The following TARBP1 variants were observed in gnomAD, a reference collection of about 807,000 sequenced individuals.
TARBP1 encodes the protein tRNA guanosine 2 -O-methyltransferase TARBP1, also known as tRNA (guanosine(18)-2'-O)-methyltransferase TARBP1.
TARBP1 carries 144 observed loss-of-function variants against 178.6 expected under a neutral mutation model. That is an observed-to-expected ratio of 0.81 (90% CI 0.70 to 0.93). TARBP1 has a LOEUF of 0.93. TARBP1 is among the 40% of genes least tolerant of loss of function. The probability of loss-of-function intolerance (pLI) is 0.00; values close to 1 mark genes in which losing one functional copy is unlikely to be tolerated. For synonymous variants in TARBP1, 787 were observed against 781.0 expected (o/e 1.01, Z -0.13); for missense variants, 2,067 against 2,011.7 (o/e 1.03, Z -0.53).
chr1:234,460,278 A>G lies in TARBP1; in HGVS notation c.1518T>C (p.Asp506=), dbSNP rs1460322006. The G allele has an allele frequency of 2.5e-6, 4 of 1,614,102 alleles. No individual in the cohort carries two copies. The highest frequency in any genetic ancestry group is 3.4e-6 in the Non-Finnish European group (4 of 1,180,018). The change falls in exon 7 of 30, where the codon GAT becomes GAC. Residue 506 remains aspartate (D), a synonymous_variant. Coordinates refer to ENST00000040877, the MANE Select transcript of TARBP1 (RefSeq NM_005646.4). ...NVPRHKALGI[D]GLLALRDVIH... is the part of the protein sequence containing the mutation. Reference sequence around the variant, plus strand: ...TAAATTACCTGAGAGCAAGAAGCCCATCTATACCCAGGGCCTTATGTCTTG... The same window carrying G: ...TAAATTACCTGAGAGCAAGAAGCCCGTCTATACCCAGGGCCTTATGTCTTG...
rs1290984616 is a variant in TARBP1, at chr1:234,392,455, G to A, written c.4658C>T (p.Thr1553Ile). The part of the protein sequence containing the change: ...VEQTAKSLDL[T>I]QYCFPEKSLL... Reference sequence around the variant, plus strand: ...AGATTTCTCAGGAAAGCAATATTGGGTTAGGTCTAAACTTTTGGCAGTTTG... The same window carrying A: ...AGATTTCTCAGGAAAGCAATATTGGATTAGGTCTAAACTTTTGGCAGTTTG... Residue 1553 changes from threonine to isoleucine, a missense_variant, in exon 29 of 30, where the codon ACC becomes ATC. Thr to Ile is a moderately conservative substitution (Grantham distance 89). Transcript: ENST00000040877. 2 of 1,614,066 alleles carry A rather than the reference G, an allele frequency of 1.2e-6. No homozygotes were observed. Among genetic ancestry groups the A allele is most frequent in the African/African-American group, 1.3e-5 (1 of 74,928 alleles).
Position 234,467,521 on chromosome 1 carries a change from A to T in TARBP1, c.1229T>A (p.Phe410Tyr). The T allele has an allele frequency of 6.3e-7, 1 of 1,591,692 alleles. No individual in the cohort carries two copies. Among genetic ancestry groups the T allele is most frequent in the Non-Finnish European group, 8.5e-7 (1 of 1,172,838 alleles). The change falls in exon 4 of 30, where the codon TTT becomes TAT. Residue 410 changes from phenylalanine (F) to tyrosine (Y), a missense_variant. By Grantham distance (22) the Phe-to-Tyr change is conservative. Transcript: ENST00000040877. ...LELYETKILP[F>Y]SPEFSEFIIG... Reference sequence around the variant, plus strand: ...CATTACCTCAGAAAATTCTGGTGAAAATGGAAGAATCTTTGTTTCATACAG... The same window carrying T: ...CATTACCTCAGAAAATTCTGGTGAATATGGAAGAATCTTTGTTTCATACAG...
chr1:234,475,160 G>T (rs1312885749), intron 1 of TARBP1, among the ~76,000 whole-genome samples: 6 of 152,212 alleles, frequency 3.9e-5, no homozygotes, highest in Non-Finnish European at 7.3e-5. Flanking sequence ...GCCAGGGCAG[G>T]AGATCTTCAG....
At chr1:234,469,497 G>T (rs1048715598) in intron 3 of TARBP1, among the ~76,000 whole-genome samples, 3 of 152,164 alleles carry the variant, frequency 2.0e-5, no homozygotes, top group African/African-American at 4.8e-5. Flanking sequence ...CTAGCCCCAG[G>T]TGCAACTACA....
At chr1:234,410,280 T>G in intron 23 of TARBP1, 165 bp downstream of exon 23, 2 of 492,328 alleles carry the variant, frequency 4.1e-6, no homozygotes, top group Non-Finnish European at 7.4e-6. Context: ...GTAATTCCCA[T>G]TTACTGGGTA....
At chr1:234,466,848 C>T (rs1668489361) in intron 4 of TARBP1, among the ~76,000 whole-genome samples, 1 of 151,122 alleles carries the variant, frequency 6.6e-6, no homozygotes, top group East Asian at 1.9e-4. Flanking sequence ...GGGTGACAGG[C>T]ATGAGACACC....
chr1:234,465,950 G>C lies in TARBP1; in HGVS notation c.1249-242C>G, dbSNP rs183327683. 5.9e-5 allele frequency among the ~76,000 whole-genome samples: 9 copies of C among 152,204 alleles called. No individual in the cohort carries two copies. In the East Asian group the frequency reaches 1.5e-3, roughly 26 times the overall value. Reference sequence around the variant, plus strand: ...ATTAAAATTTATGCCATACTAAAAAGAGAGTTCATGTGTTGGGTCAAGAAA... The same window carrying C: ...ATTAAAATTTATGCCATACTAAAAACAGAGTTCATGTGTTGGGTCAAGAAA... On this transcript the variant is annotated intron_variant, in intron 4 of 29. Coordinates refer to ENST00000040877, the MANE Select transcript of TARBP1 (RefSeq NM_005646.4).
At chr1:234,454,840 A>T (rs1667124720) in intron 9 of TARBP1, among the ~76,000 whole-genome samples, 1 of 152,204 alleles carries the variant, frequency 6.6e-6, no homozygotes, top group South Asian at 2.1e-4. Context: ...TTATGCAGCA[A>T]AAGGAGCTTT....
Position 234,429,605 on chromosome 1 carries a change from C to T in TARBP1, c.2682G>A (p.Val894=). The change falls in exon 16 of 30, where the codon GTG becomes GTA. Residue 894 remains valine, a synonymous_variant. Coordinates refer to ENST00000040877, the MANE Select transcript of TARBP1 (RefSeq NM_005646.4). The part of the protein sequence containing the change: ...IVAQYIHDQW[V]CLSFLLKKYH... ...ATTTTTTCAACAGGAAAGAGAGGCA[C>T]ACCCATTGATCATGAATATATTGTG... The T allele has an allele frequency of 6.2e-7, 1 of 1,614,124 alleles. No homozygotes were observed. The highest frequency in any genetic ancestry group is 8.5e-7 in the Non-Finnish European group (1 of 1,180,002).
intron 13 of TARBP1, among the ~76,000 whole-genome samples, chr1:234,436,644 C>T (rs1665052957): frequency 1.3e-5 from 2 of 152,140 alleles, no homozygotes; most frequent in South Asian, 2.1e-4. Flanking sequence ...AGTAAGAATG[C>T]TTTCTTATTT....
At position 234,463,885 on chromosome 1, in the gene TARBP1, G is replaced by A. The variant is rs146861527; in HGVS notation, c.1351C>T (p.Gln451Ter). 3.9e-5 allele frequency: 63 copies of A among 1,598,688 alleles called. No individual in the cohort carries two copies. The African/African-American group carries it at 7.5e-4, about 19-fold the overall frequency. Residue 451 changes from glutamine (Q) to a stop codon, truncating the protein, a stop_gained, in exon 6 of 30, where the codon CAG becomes TAG. Coordinates refer to ENST00000040877, the MANE Select transcript of TARBP1 (RefSeq NM_005646.4). LOFTEE classifies it high-confidence loss of function. The stretch of plus-strand genomic sequence containing the variant: ...GAAATATAAGTGACTAAAAACTTCT[G>A]TAATTTCAGTCCCAATGGAGAACAG... ...GSCSPLGLKL[Q>*]KFLVTYISLL... is the part of the protein sequence containing the mutation.
rs1219118166 is a variant in TARBP1 at position 234,430,309 on chromosome 1, G to T, written c.2395-8C>A. ...ACTTCCAACTGTTGGCTCCTGAAAA[G>T]GAAATGTGACAATGTTTTATTTAAT... On this transcript the variant is annotated splice_polypyrimidine_tract_variant and splice_region_variant and intron_variant, in intron 14 of 29. Coordinates refer to ENST00000040877, the MANE Select transcript of TARBP1 (RefSeq NM_005646.4). 1 of 1,611,556 alleles carries T rather than the reference G, an allele frequency of 6.2e-7. No homozygotes were observed. Among genetic ancestry groups the T allele is most frequent in the African/African-American group, 1.3e-5 (1 of 74,930 alleles).
chr1:234,398,230 C>A, intron 26 of TARBP1, 152 bp downstream of exon 26: 1 of 507,222 alleles, frequency 2.0e-6, no homozygotes, highest in East Asian at 3.6e-5. Flanking sequence ...TTATACCACA[C>A]TTTTTCACTG....
intron 22 of TARBP1, among the ~76,000 whole-genome samples, chr1:234,411,750 G>C (rs574703069): frequency 6.6e-6 from 1 of 152,244 alleles, no homozygotes; most frequent in Non-Finnish European, 1.5e-5. Context: ...AGTTGAAAAA[G>C]ACTGTTCAAC....
At position 234,478,948 on chromosome 1, in the gene TARBP1, C is replaced by T; in HGVS notation, c.156G>A (p.Gly52=). Residue 52 remains glycine (G), a synonymous_variant, in exon 1 of 30, where the codon GGG becomes GGA. Transcript: ENST00000040877. ...RLEDEEARGS[G]GAGALPEAAR... ...CCGCCTCCGGGAGCGCGCCTGCGCC[C>T]CCGCTGCCGCGCGCCTCCTCGTCCT... 6.9e-7 allele frequency: 1 copy of T among 1,453,892 alleles called. No individual in the cohort carries two copies. The highest frequency in any genetic ancestry group is 1.5e-5 in the African/African-American group (1 of 67,392). The allele number at this position is 1,453,892 out of a possible 1,614,324, so 90.1% of individuals were successfully genotyped here.
chr1:234,444,638 C>G (rs1019679309), intron 12 of TARBP1, among the ~76,000 whole-genome samples: 2 of 152,128 alleles, frequency 1.3e-5, no homozygotes, highest in African/African-American at 4.8e-5. Flanking sequence ...TGCTTATACC[C>G]TGTCCTCACA....
rs761416971 is a variant in TARBP1 at position 234,459,179 on chromosome 1, C to T, written c.1632+51G>A. ...TGCTATGTTAACTCATTTCTGTACA[C>T]CCACTCACTAAGAAAGACTTGTAAA... On this transcript the variant is annotated intron_variant, in intron 8 of 29. Coordinates refer to ENST00000040877, the MANE Select transcript of TARBP1 (RefSeq NM_005646.4). The T allele has an allele frequency of 7.8e-6, 11 of 1,401,832 alleles. No individual in the cohort carries two copies. The African/African-American group carries it at 1.0e-4, about 13-fold the overall frequency. 86.8% of individuals were successfully genotyped at this position (1,401,832 alleles called of 1,614,324 possible).
At chr1:234,391,940 G>C (rs1195553196) in intron 29 of TARBP1, among the ~76,000 whole-genome samples, 195 bp from the exon 30 acceptor site, 1 of 152,172 alleles carries the variant, frequency 6.6e-6, no homozygotes, top group Admixed American at 6.5e-5. Context: ...AGACTGATGG[G>C]TCAATTCCAT....
chr1:234,412,776 G>C (rs1661980690), intron 22 of TARBP1, among the ~76,000 whole-genome samples: 1 of 152,206 alleles, frequency 6.6e-6, no homozygotes, highest in Non-Finnish European at 1.5e-5. Flanking sequence ...AAACCAAAAG[G>C]ACTGGTGATA....
Sources: gnomAD v4.1 joint callset for allele counts (sites outside exome capture counted in the v4.1 genomes callset) on GRCh38, gnomAD v4.1.1 for gene constraint, MANE v1.5 for transcripts, NCBI Gene and HGNC (gene_info 2026-07-23, HGNC 2026-07-21) for gene names.